Variants in SPOCK1 observed in about 807,000 individuals in gnomAD.
SPOCK1 encodes the protein SPARC (osteonectin), cwcv and kazal like domains proteoglycan 1.
A neutral mutation model predicts 55.3 loss-of-function variants in SPOCK1; 23 were observed. That is an observed-to-expected ratio of 0.42 (90% CI 0.30 to 0.59). The LOEUF (loss-of-function observed/expected upper bound fraction) is 0.59, where lower values mean the gene tolerates loss of function less well. Ranked by LOEUF, SPOCK1 falls within the 20% of genes least tolerant of loss-of-function variation. SPOCK1 has a pLI of 0.22. For synonymous variants in SPOCK1, 226 were observed against 221.0 expected (o/e 1.02, Z -0.20); for missense variants, 499 against 552.5 (o/e 0.90, Z 0.97).
intron 4 of SPOCK1, among the ~76,000 whole-genome samples, chr5:137,118,615 A>AT (rs1323211051): frequency 4.6e-5 from 7 of 152,196 alleles, no homozygotes; most frequent in African/African-American, 9.6e-5. Context: ...AGACAGAGTA[A>AT]TTTTATTTTA....
intron 3 of SPOCK1, among the ~76,000 whole-genome samples, chr5:137,173,655 G>A (rs1754797559): frequency 6.6e-6 from 1 of 152,156 alleles, no homozygotes; most frequent in East Asian, 1.9e-4. Flanking sequence ...AATTTATTTT[G>A]TAGTTCAGTA....
chr5:137,022,335 GC>G (rs1751593401), intron 6 of SPOCK1, among the ~76,000 whole-genome samples: 1 of 152,116 alleles, frequency 6.6e-6, no homozygotes, highest in African/African-American at 2.4e-5. Flanking sequence ...ATGGAAGAAT[GC>G]TTTTAATACG....
chr5:137,400,196 T>C (rs564233087), intron 2 of SPOCK1, among the ~76,000 whole-genome samples: 2 of 152,164 alleles, frequency 1.3e-5, no homozygotes, highest in African/African-American at 4.8e-5. Flanking sequence ...CCAGCTCGAG[T>C]GATCACCAGA....
chr5:137,172,841 C>A (rs1245768794), intron 3 of SPOCK1, among the ~76,000 whole-genome samples: 3 of 152,206 alleles, frequency 2.0e-5, no homozygotes, highest in African/African-American at 7.2e-5. Context: ...AGCTTATAAC[C>A]CAGGGTCCCT....
intron 2 of SPOCK1, among the ~76,000 whole-genome samples, chr5:137,382,983 G>A (rs186239375): frequency 3.7e-4 from 56 of 152,148 alleles, no homozygotes; most frequent in African/African-American, 1.2e-3. Flanking sequence ...CAATCTCCAC[G>A]TAGAAGAGCC....
At chr5:137,380,377 G>A (rs1033193373) in intron 2 of SPOCK1, among the ~76,000 whole-genome samples, 2 of 152,222 alleles carry the variant, frequency 1.3e-5, no homozygotes, top group African/African-American at 4.8e-5. Flanking sequence ...GTAATAAAAT[G>A]ATCTGTGTGT....
At chr5:137,282,332 A>C (rs1757181849) in intron 2 of SPOCK1, among the ~76,000 whole-genome samples, 1 of 152,234 alleles carries the variant, frequency 6.6e-6, no homozygotes, top group Admixed American at 6.5e-5. Context: ...GCTCTGTGCA[A>C]AAGTGTAAAT....
chr5:137,183,584 C>T lies in SPOCK1; in HGVS notation c.233-42890G>A, dbSNP rs528031947. Among the ~76,000 whole-genome samples, 8 of 152,278 alleles carry T rather than the reference C, an allele frequency of 5.3e-5. No homozygotes were observed. In the South Asian group the frequency reaches 1.7e-3, roughly 32 times the overall value. On this transcript the variant is annotated intron_variant, in intron 3 of 10. Transcript: ENST00000394945. ...CCAAGATTCTGTACTTTTAAGTTCTCCAGAGGACTTTTGCAGCCTGTTTGG... is the reference window on the plus strand; with the variant it reads ...CCAAGATTCTGTACTTTTAAGTTCTTCAGAGGACTTTTGCAGCCTGTTTGG...
chr5:137,140,174 T>G (rs892731116), intron 4 of SPOCK1, among the ~76,000 whole-genome samples: 2 of 152,148 alleles, frequency 1.3e-5, no homozygotes, highest in Admixed American at 6.5e-5. Flanking sequence ...TGGGCCTCAA[T>G]GGACCTCGAA....
At chr5:137,488,357 A>G (rs1023030411) in intron 2 of SPOCK1, among the ~76,000 whole-genome samples, 2 of 152,104 alleles carry the variant, frequency 1.3e-5, no homozygotes, top group African/African-American at 4.8e-5. Flanking sequence ...AGCCTGGGCG[A>G]CAGAGCAAGA....
intron 3 of SPOCK1, among the ~76,000 whole-genome samples, chr5:137,211,962 G>C (rs1250449914): frequency 6.6e-6 from 1 of 152,208 alleles, no homozygotes; most frequent in African/African-American, 2.4e-5. Flanking sequence ...GGGTAAATGA[G>C]AGTAAAGTGG....
At chr5:137,214,916 C>T (rs564408918) in intron 3 of SPOCK1, among the ~76,000 whole-genome samples, 3 of 152,230 alleles carry the variant, frequency 2.0e-5, no homozygotes, top group South Asian at 4.2e-4. Context: ...AAAGTAAAAG[C>T]TCAATGTAAC....
intron 3 of SPOCK1, among the ~76,000 whole-genome samples, chr5:137,249,727 C>T (rs927956772): frequency 6.6e-6 from 1 of 152,162 alleles, no homozygotes; most frequent in Non-Finnish European, 1.5e-5. Flanking sequence ...GTTCAAAAGC[C>T]AAAATGCCTT....
intron 6 of SPOCK1, among the ~76,000 whole-genome samples, chr5:137,036,199 TATTA>T (rs1463976537): frequency 2.0e-5 from 3 of 152,152 alleles, no homozygotes; most frequent in African/African-American, 4.8e-5. Context: ...CTCTGGCAAA[TATTA>T]ATTATTTTTC....
At chr5:137,310,089 G>A (rs547114326) in intron 2 of SPOCK1, among the ~76,000 whole-genome samples, 1 of 152,232 alleles carries the variant, frequency 6.6e-6, no homozygotes, top group East Asian at 1.9e-4. Context: ...TCCAATTCAG[G>A]TGGCACCACT....
intron 2 of SPOCK1, among the ~76,000 whole-genome samples, chr5:137,274,195 C>G (rs1757020063): frequency 6.6e-6 from 1 of 152,228 alleles, no homozygotes; most frequent in African/African-American, 2.4e-5. Flanking sequence ...GTTGTCTCCT[C>G]AGACTCAAAA....
intron 3 of SPOCK1, among the ~76,000 whole-genome samples, chr5:137,218,941 A>C (rs1022638478): frequency 6.6e-6 from 1 of 152,210 alleles, no homozygotes; most frequent in Non-Finnish European, 1.5e-5. Context: ...GGCTCCAAGC[A>C]GGCTGAAGTG....
At chr5:137,118,685 C>T (rs1310491799) in intron 4 of SPOCK1, among the ~76,000 whole-genome samples, 2 of 152,146 alleles carry the variant, frequency 1.3e-5, no homozygotes, top group Non-Finnish European at 2.9e-5. Context: ...TGAAATTCAA[C>T]AATCTGTGTC....
At chr5:137,486,671 T>A (rs959930994) in intron 2 of SPOCK1, among the ~76,000 whole-genome samples, 1 of 152,204 alleles carries the variant, frequency 6.6e-6, no homozygotes, top group Non-Finnish European at 1.5e-5. Flanking sequence ...TGGATGGCCA[T>A]GCAAAGAAAC....
Sources: gnomAD v4.1 joint callset for allele counts (sites outside exome capture counted in the v4.1 genomes callset) on GRCh38, gnomAD v4.1.1 for gene constraint, MANE v1.5 for transcripts, NCBI Gene and HGNC (gene_info 2026-07-23, HGNC 2026-07-21) for gene names.